SSH2: variants seen among roughly 807,000 people sequenced by gnomAD.
SSH2 encodes the protein slingshot protein phosphatase 2.
In SSH2, 37 loss-of-function variants were observed where a neutral mutation model predicts 135.2. The observed-to-expected ratio is 0.27, with a 90% CI of 0.21 to 0.36. The LOEUF is 0.36. Among genes scored for constraint, SSH2 ranks in the 10% least tolerant of loss-of-function variants. The pLI is 1.00. For synonymous variants in SSH2, 628 were observed against 646.2 expected (o/e 0.97, Z 0.43); for missense variants, 1,408 against 1,765.3 (o/e 0.80, Z 3.63).
At chr17:29,742,459 G>C (rs2040592454) in intron 3 of SSH2, among the ~76,000 whole-genome samples, 1 of 144,164 alleles carries the variant, frequency 6.9e-6, no homozygotes, top group Admixed American at 7.0e-5. Context: ...GTTAGGACGA[G>C]AGGTATGTGC....
intron 8 of SSH2, chr17:29,675,953 A>G (rs1430019162): frequency 6.6e-6 from 1 of 152,198 alleles, no homozygotes; most frequent in East Asian, 1.9e-4. Context: ...GGGGCTTGGT[A>G]TGATGATTAA....
intron 3 of SSH2, among the ~76,000 whole-genome samples, chr17:29,756,533 C>T (rs978830591): frequency 1.4e-5 from 2 of 141,460 alleles, no homozygotes; most frequent in African/African-American, 5.2e-5. Context: ...GGTCCTGCTA[C>T]ATTGCCTGGG....
chr17:29,742,501 C>CT (rs1555625253), intron 3 of SSH2, among the ~76,000 whole-genome samples: 1 of 115,442 alleles, frequency 8.7e-6, no homozygotes, highest in Non-Finnish European at 1.8e-5. Flanking sequence ...TTTTTTTTTT[C>CT]TTTTCAATTT....
rs1254572058 is a variant in SSH2 at position 29,627,012 on chromosome 17, T to C, written c.*3829A>G. The stretch of plus-strand genomic sequence containing the variant: ...TGACAACTATTTCCATAGAGAGTGC[T>C]GGATGGGAGGGCAGGACACAGACGG... On this transcript the variant is annotated 3_prime_UTR_variant, in exon 16 of 16. Coordinates refer to ENST00000540801, the MANE Select transcript of SSH2 (RefSeq NM_001282129.2). The C allele has an allele frequency of 2.0e-5, 3 of 152,226 alleles. No homozygotes were observed. The East Asian group carries it at 5.8e-4, about 29-fold the overall frequency. The allele number at this position is 152,226 out of a possible 1,614,324, so 9.4% of individuals were successfully genotyped here.
chr17:29,702,348 G>C (rs2039017629), intron 4 of SSH2, among the ~76,000 whole-genome samples: 1 of 39,822 alleles, frequency 2.5e-5, no homozygotes, highest in African/African-American at 1.2e-4. Context: ...GTGAGAGTCT[G>C]TCTCAAAAAA....
chr17:29,671,237 T>G (rs2037480182), intron 9 of SSH2, among the ~76,000 whole-genome samples: 1 of 152,110 alleles, frequency 6.6e-6, no homozygotes, highest in African/African-American at 2.4e-5. Context: ...ATCCCAGCAC[T>G]TTGGTAGGCC....
intron 6 of SSH2, among the ~76,000 whole-genome samples, chr17:29,679,830 AAT>A (rs1302852648): frequency 6.6e-6 from 1 of 152,264 alleles, no homozygotes; most frequent in Non-Finnish European, 1.5e-5. Context: ...AAAAGAGTAA[AAT>A]AGTGTCTAAG....
chr17:29,662,918 T>C (rs762682095), intron 11 of SSH2, among the ~76,000 whole-genome samples: 23 of 152,258 alleles, frequency 1.5e-4, no homozygotes, highest in Non-Finnish European at 2.8e-4. Context: ...ATGTGTCCAA[T>C]ATACTTGTTT....
At chr17:29,672,206 T>A (rs1451991168) in intron 8 of SSH2, 77 bp from the exon 9 acceptor site, 1 of 1,083,830 alleles carries the variant, frequency 9.2e-7, no homozygotes, top group Admixed American at 2.6e-5. Context: ...CTCCAAACTC[T>A]TCTAATTTTT....
chr17:29,818,914 T>A (rs902310689), intron 2 of SSH2, among the ~76,000 whole-genome samples: 19 of 151,154 alleles, frequency 1.3e-4, no homozygotes, highest in East Asian at 1.9e-4. Context: ...AAAAAAAAAA[T>A]TTAATTCTTT....
At chr17:29,797,618 C>A (rs983011795) in intron 2 of SSH2, among the ~76,000 whole-genome samples, 1 of 152,050 alleles carries the variant, frequency 6.6e-6, no homozygotes, top group Admixed American at 6.6e-5. Context: ...AGTTATTAGC[C>A]AGACATGGTG....
At chr17:29,849,303 C>G (rs1479928130) in intron 1 of SSH2, among the ~76,000 whole-genome samples, 1 of 151,670 alleles carries the variant, frequency 6.6e-6, no homozygotes, top group African/African-American at 2.4e-5. Context: ...CACAGTGAAA[C>G]CTGGTCTCTA....
At chr17:29,757,803 G>A (rs1369975773) in intron 3 of SSH2, among the ~76,000 whole-genome samples, 5 of 91,504 alleles carry the variant, frequency 5.5e-5, no homozygotes, top group Admixed American at 1.3e-4. Flanking sequence ...GTGGGGGGCC[G>A]GGGTTGGGGG....
chr17:29,692,638 G>A (rs941374006), intron 5 of SSH2, among the ~76,000 whole-genome samples: 2 of 152,152 alleles, frequency 1.3e-5, no homozygotes, highest in African/African-American at 2.4e-5. Flanking sequence ...GGTTATCAAT[G>A]AGAAAACGAT....
At chr17:29,925,387 T>A in intron 1 of SSH2, 1 of 395,206 alleles carries the variant, frequency 2.5e-6, no homozygotes, top group Non-Finnish European at 4.5e-6. Context: ...TATTGTACAA[T>A]ATGGTTTCTA....
intron 3 of SSH2, among the ~76,000 whole-genome samples, chr17:29,783,184 G>A (rs1271395271): frequency 1.3e-5 from 2 of 151,530 alleles, no homozygotes; most frequent in African/African-American, 4.9e-5. Context: ...GCAGGTCCAG[G>A]TGGGGTCATT....
chr17:29,669,966 C>G (rs965213952), intron 9 of SSH2, among the ~76,000 whole-genome samples: 1 of 151,146 alleles, frequency 6.6e-6, no homozygotes, highest in African/African-American at 2.4e-5. Flanking sequence ...ACTGCAACCT[C>G]CACCTCTTGG....
chr17:29,837,297 G>A (rs2042958834), intron 2 of SSH2, among the ~76,000 whole-genome samples: 1 of 151,768 alleles, frequency 6.6e-6, no homozygotes, highest in Non-Finnish European at 1.5e-5. Context: ...AGACATCTTA[G>A]ATAGCAAACT....
At chr17:29,720,008 C>A (rs2151164970) in intron 3 of SSH2, among the ~76,000 whole-genome samples, 1 of 152,328 alleles carries the variant, frequency 6.6e-6, no homozygotes, top group East Asian at 1.9e-4. Flanking sequence ...ATTCACCTGC[C>A]TTGGCCTACT....
Sources: allele counts gnomAD v4.1 joint callset (sites outside exome capture counted in the v4.1 genomes callset), GRCh38; gene constraint gnomAD v4.1.1; transcripts MANE v1.5; gene names NCBI Gene and HGNC (gene_info 2026-07-23, HGNC 2026-07-21).